The following TMEM117 variants were observed in gnomAD, a reference collection of about 807,000 sequenced individuals.
TMEM117 encodes transmembrane protein 117.
In TMEM117, 27 loss-of-function variants were observed where a neutral mutation model predicts 52.4. The observed-to-expected ratio is 0.51, with a 90% CI of 0.38 to 0.71. The LOEUF is 0.71. Ranked by LOEUF, TMEM117 falls within the 30% of genes least tolerant of loss-of-function variation. TMEM117 has a pLI of 0.00. For synonymous variants in TMEM117, 215 were observed against 206.3 expected, an observed-to-expected ratio of 1.04 and a Z score of -0.36; for missense variants, 556 against 630.5, an observed-to-expected ratio of 0.88 and a Z score of 1.26.
intron 3 of TMEM117, among the ~76,000 whole-genome samples, chr12:43,955,009 C>T (rs1945284881): frequency 6.6e-6 from 1 of 152,146 alleles, no homozygotes; most frequent in African/African-American, 2.4e-5. Flanking sequence ...CAATTCACCA[C>T]ATAAGCAGAA....
At chr12:44,094,663 T>A (rs1420514535) in intron 3 of TMEM117, among the ~76,000 whole-genome samples, 1 of 152,136 alleles carries the variant, frequency 6.6e-6, no homozygotes, top group African/African-American at 2.4e-5. Context: ...CCATTTCTAG[T>A]ATGAAGATAG....
chr12:44,143,656 C>G (rs761121902), intron 4 of TMEM117, 32 bp downstream of exon 4: 1 of 1,497,246 alleles, frequency 6.7e-7, no homozygotes, highest in African/African-American at 1.4e-5. Flanking sequence ...CCATTTCAAA[C>G]ATCAAACGGA....
At chr12:44,079,410 T>C (rs1424611316) in intron 3 of TMEM117, among the ~76,000 whole-genome samples, 1 of 152,186 alleles carries the variant, frequency 6.6e-6, no homozygotes, top group Non-Finnish European at 1.5e-5. Context: ...CCATTCTAAC[T>C]GGCATGAGAT....
chr12:44,319,939 C>A (rs1293043957), intron 6 of TMEM117, among the ~76,000 whole-genome samples: 5 of 152,118 alleles, frequency 3.3e-5, no homozygotes, highest in African/African-American at 1.2e-4. Flanking sequence ...ATCTTCTCAT[C>A]CAAGTTATTT....
chr12:43,907,810 G>T (rs1184504146), intron 2 of TMEM117, among the ~76,000 whole-genome samples: 1 of 140,936 alleles, frequency 7.1e-6, no homozygotes, highest in Non-Finnish European at 1.6e-5. Context: ...AGAATAAAAA[G>T]AAATGAGCAA....
At chr12:44,373,172 A>G (rs554131270) in intron 6 of TMEM117, among the ~76,000 whole-genome samples, 2 of 152,304 alleles carry the variant, frequency 1.3e-5, no homozygotes, top group Non-Finnish European at 2.9e-5. Flanking sequence ...TCTCCCTCCC[A>G]CCTGCATAGC....
chr12:44,185,947 G>T (rs1341671682), intron 4 of TMEM117, among the ~76,000 whole-genome samples: 3 of 150,904 alleles, frequency 2.0e-5, no homozygotes, highest in Non-Finnish European at 4.4e-5. Context: ...GTTATTATTA[G>T]TGCCTTTTCT....
intron 4 of TMEM117, among the ~76,000 whole-genome samples, chr12:44,144,636 T>C (rs1297711472): frequency 6.6e-6 from 1 of 152,224 alleles, no homozygotes; most frequent in East Asian, 1.9e-4. Flanking sequence ...TAACTGCTCC[T>C]ACTGAGAACA....
intron 4 of TMEM117, among the ~76,000 whole-genome samples, chr12:44,182,386 A>G (rs944256306): frequency 9.8e-5 from 15 of 152,308 alleles, no homozygotes; most frequent in African/African-American, 3.4e-4. Flanking sequence ...AACTTCCAAC[A>G]CTATGTTGAA....
chr12:44,294,477 G>A (rs999315154), intron 5 of TMEM117, among the ~76,000 whole-genome samples: 5 of 152,192 alleles, frequency 3.3e-5, no homozygotes, highest in Admixed American at 3.3e-4. Flanking sequence ...ATGGAAACTA[G>A]TATGAATTTC....
At chr12:44,378,844 T>A (rs980025003) in intron 7 of TMEM117, among the ~76,000 whole-genome samples, 13 of 152,138 alleles carry the variant, frequency 8.5e-5, no homozygotes, top group African/African-American at 2.9e-4. Context: ...CCCCAAGTGA[T>A]GTTGATAATT....
At chr12:44,298,502 A>G (rs953911585) in intron 5 of TMEM117, among the ~76,000 whole-genome samples, 6 of 150,674 alleles carry the variant, frequency 4.0e-5, no homozygotes, top group African/African-American at 7.5e-5. Flanking sequence ...ATTATGGACA[A>G]TTCTCTGGCA....
chr12:44,043,268 G>A lies in TMEM117; in HGVS notation c.410+98926G>A, dbSNP rs370823917. Among the ~76,000 whole-genome samples the A allele has an allele frequency of 4.1e-4, 63 of 152,282 alleles. No individual in the cohort carries two copies. In the South Asian group the frequency reaches 0.013, roughly 31 times the overall value. On this transcript the variant is annotated intron_variant, in intron 3 of 7. Transcript: ENST00000266534. ...CCCCCAGTGAGTTTTATCTTCTGTA[G>A]AGAAAGAGCTGAAATTGTGGAAAAA...
At chr12:43,801,038 C>T in the TMEM117 span, among the ~76,000 whole-genome samples, 1 of 152,106 alleles carries the variant, frequency 6.6e-6, no homozygotes, top group Admixed American at 6.5e-5. Flanking sequence ...AGGCATGAGC[C>T]ACCGTGCCTG....
intron 3 of TMEM117, among the ~76,000 whole-genome samples, chr12:43,959,001 G>T (rs984535251): frequency 6.6e-6 from 1 of 152,052 alleles, no homozygotes; most frequent in African/African-American, 2.4e-5. Flanking sequence ...TAGAGACGGG[G>T]TTTCACCATG....
At chr12:43,824,780 T>G in the TMEM117 span, among the ~76,000 whole-genome samples, 1 of 152,104 alleles carries the variant, frequency 6.6e-6, no homozygotes, top group African/African-American at 2.4e-5. Flanking sequence ...ATATAAAAAA[T>G]TAGCCGGGCA....
At chr12:44,252,202 C>T (rs956292369) in intron 5 of TMEM117, among the ~76,000 whole-genome samples, 7 of 152,112 alleles carry the variant, frequency 4.6e-5, no homozygotes, top group Non-Finnish European at 1.0e-4. Flanking sequence ...AAACTTTATC[C>T]ATATCCAAAG....
chr12:44,191,891 C>G (rs1592594625), intron 4 of TMEM117, among the ~76,000 whole-genome samples: 1 of 151,884 alleles, frequency 6.6e-6, no homozygotes. Context: ...GTCAAAAAAA[C>G]CTTAAATGGG....
At chr12:43,904,125 A>T (rs916574830) in intron 2 of TMEM117, among the ~76,000 whole-genome samples, 2 of 152,254 alleles carry the variant, frequency 1.3e-5, no homozygotes, top group Admixed American at 1.3e-4. Context: ...ATGTTCACAA[A>T]TTAAAAAGAA....
Sources: gnomAD v4.1 joint callset for allele counts (sites outside exome capture counted in the v4.1 genomes callset) on GRCh38, gnomAD v4.1.1 for gene constraint, MANE v1.5 for transcripts, NCBI Gene and HGNC (gene_info 2026-07-23, HGNC 2026-07-21) for gene names.